MBNL2: variants seen among roughly 807,000 people sequenced by gnomAD.
MBNL2 encodes the protein muscleblind like splicing regulator 2.
Under a neutral mutation model 41.9 loss-of-function variants are expected in MBNL2, and 17 were observed. That is an observed-to-expected ratio of 0.41 (90% CI 0.28 to 0.61). The LOEUF (loss-of-function observed/expected upper bound fraction) is 0.61, where lower values mean the gene tolerates loss of function less well. MBNL2 is among the 20% of genes least tolerant of loss of function. MBNL2 has a pLI of 0.35. For missense variants in MBNL2, 336 were observed against 505.6 expected, an observed-to-expected ratio of 0.66 and a Z score of 3.22; for synonymous variants, 195 against 182.9, an observed-to-expected ratio of 1.07 and a Z score of -0.53.
intron 3 of MBNL2, among the ~76,000 whole-genome samples, chr13:97,341,145 ACTC>A (rs2061408910): frequency 1.3e-5 from 2 of 152,050 alleles, no homozygotes; most frequent in Admixed American, 6.6e-5. Context: ...TACTATTTTT[ACTC>A]CTCACATATG....
At chr13:97,210,877 A>G in the MBNL2 span, among the ~76,000 whole-genome samples, 1 of 152,088 alleles carries the variant, frequency 6.6e-6, no homozygotes, top group Non-Finnish European at 1.5e-5. Context: ...TCTAAGTGGA[A>G]GGGACTCAGT....
intron 1 of MBNL2, among the ~76,000 whole-genome samples, chr13:97,253,401 G>A (rs1250797743): frequency 6.6e-6 from 1 of 152,158 alleles, no homozygotes; most frequent in Non-Finnish European, 1.5e-5. Flanking sequence ...AAATGTTCAT[G>A]GCTTGAATAG....
chr13:97,271,112 G>GTTTTTTTTTTTTTTTTTT (rs369155404), intron 1 of MBNL2, among the ~76,000 whole-genome samples: 2 of 133,396 alleles, frequency 1.5e-5, no homozygotes. Flanking sequence ...GCTCTTTTTT[G>GTTTTTTTTTTTTTTTTTT]TTTTTTTTTT....
chr13:97,168,481 G>A, the MBNL2 span, among the ~76,000 whole-genome samples: 2 of 152,034 alleles, frequency 1.3e-5, no homozygotes, highest in African/African-American at 4.8e-5. Flanking sequence ...TCTCTCTTTT[G>A]TGCTTTATTT....
At chr13:97,285,626 T>G (rs991653864) in intron 2 of MBNL2, among the ~76,000 whole-genome samples, 11 of 152,358 alleles carry the variant, frequency 7.2e-5, no homozygotes, top group African/African-American at 2.6e-4. Flanking sequence ...ATCTTCAGGA[T>G]GGATTCAGCC....
chr13:97,214,646 G>A, the MBNL2 span, among the ~76,000 whole-genome samples: 1 of 152,182 alleles, frequency 6.6e-6, no homozygotes, highest in Admixed American at 6.5e-5. Flanking sequence ...CCCAACAGGA[G>A]GGAGATCACA....
chr13:97,365,149 C>A lies in MBNL2; in HGVS notation c.1026C>A (p.Cys342Ter), dbSNP rs1422711330. The A allele has an allele frequency of 6.2e-7, 1 of 1,607,680 alleles. No individual in the cohort carries two copies. Among genetic ancestry groups the A allele is most frequent in the Admixed American group, 1.7e-5 (1 of 60,012 alleles). ...AAFIPTGSVL[C>*]MTPATSIDNS... The stretch of plus-strand genomic sequence containing the variant: ...GCATGACATCAGGGTCAGTTTTGTG[C>A]ATGACACCCGCTACCAGTATTGGTA... The change falls in exon 8 of 9, where the codon TGC (cysteine) becomes TGA (stop). Residue 342 changes from cysteine to a stop codon, truncating the protein, a stop_gained. Transcript: ENST00000679496. LOFTEE classifies it high-confidence loss of function.
At chr13:97,211,682 G>A in the MBNL2 span, among the ~76,000 whole-genome samples, 10 of 152,230 alleles carry the variant, frequency 6.6e-5, no homozygotes, top group South Asian at 2.1e-3. Flanking sequence ...CAGCTGGAAG[G>A]CAAAATAATT....
the MBNL2 span, among the ~76,000 whole-genome samples, chr13:97,151,585 AT>A: frequency 6.6e-6 from 1 of 152,236 alleles, no homozygotes; most frequent in Non-Finnish European, 1.5e-5. Flanking sequence ...AATGGACAGC[AT>A]AAAGTCTCTG....
chr13:97,357,222 T>C (rs1285987971), intron 6 of MBNL2, among the ~76,000 whole-genome samples: 1 of 151,970 alleles, frequency 6.6e-6, no homozygotes, highest in Non-Finnish European at 1.5e-5. Context: ...GCTGAAGCCA[T>C]TTTTTTTGTT....
intron 8 of MBNL2, among the ~76,000 whole-genome samples, chr13:97,372,801 A>G (rs1210749143): frequency 6.6e-6 from 1 of 152,182 alleles, no homozygotes; most frequent in Non-Finnish European, 1.5e-5. Flanking sequence ...ATATAAATTA[A>G]CCTATACTAA....
At chr13:97,327,142 A>G (rs1455308627) in intron 2 of MBNL2, among the ~76,000 whole-genome samples, 3 of 152,202 alleles carry the variant, frequency 2.0e-5, no homozygotes, top group Non-Finnish European at 2.9e-5. Context: ...CAAGGACGAA[A>G]ACAGAGGTCT....
chr13:97,267,001 CTG>C (rs2049956560), intron 1 of MBNL2, among the ~76,000 whole-genome samples: 1 of 152,212 alleles, frequency 6.6e-6, no homozygotes, highest in African/African-American at 2.4e-5. Flanking sequence ...ACTGGAGGAA[CTG>C]TGTGCTGCAG....
chr13:97,179,084 T>TA, the MBNL2 span, among the ~76,000 whole-genome samples: 1 of 151,766 alleles, frequency 6.6e-6, no homozygotes, highest in Non-Finnish European at 1.5e-5. Flanking sequence ...GAACAAGGAG[T>TA]AATTCACAGA....
intron 7 of MBNL2, among the ~76,000 whole-genome samples, chr13:97,363,989 A>G (rs2063643328): frequency 6.6e-6 from 1 of 152,206 alleles, no homozygotes; most frequent in Non-Finnish European, 1.5e-5. Context: ...ACGAGAAACT[A>G]CTTCTCAGGC....
chr13:97,356,934 C>A, intron 6 of MBNL2, 85 bp downstream of exon 6: 1 of 776,284 alleles, frequency 1.3e-6, no homozygotes, highest in South Asian at 1.8e-5. Flanking sequence ...ATACTGGTTG[C>A]AAACAATCAT....
chr13:97,354,446 C>T (rs1335551836), intron 5 of MBNL2, among the ~76,000 whole-genome samples: 6 of 152,124 alleles, frequency 3.9e-5, no homozygotes, highest in Admixed American at 1.3e-4. Context: ...ATGCACACCC[C>T]GCCCTCCAAG....
At chr13:97,341,765 A>G (rs544277933) in intron 3 of MBNL2, among the ~76,000 whole-genome samples, 2 of 152,328 alleles carry the variant, frequency 1.3e-5, no homozygotes, top group Admixed American at 1.3e-4. Flanking sequence ...GACTTTTCAT[A>G]AGAGATATTT....
intron 1 of MBNL2, among the ~76,000 whole-genome samples, chr13:97,257,233 G>C (rs1006617070): frequency 1.3e-5 from 2 of 151,774 alleles, no homozygotes; most frequent in Non-Finnish European, 2.9e-5. Flanking sequence ...TAGAGAAGGA[G>C]GTCAGACCAG....
Sources: gnomAD v4.1 joint callset for allele counts (sites outside exome capture counted in the v4.1 genomes callset) on GRCh38, gnomAD v4.1.1 for gene constraint, MANE v1.5 for transcripts, NCBI Gene and HGNC (gene_info 2026-07-23, HGNC 2026-07-21) for gene names.